The following CNNM2 variants were observed in gnomAD, a reference collection of about 807,000 sequenced individuals.
The protein encoded by CNNM2 is metal transporter CNNM2.
A neutral mutation model predicts 66.9 loss-of-function variants in CNNM2; 12 were observed. The ratio of observed to expected loss-of-function variants is 0.18; its 90% CI spans 0.11 to 0.29. The LOEUF (loss-of-function observed/expected upper bound fraction) is 0.29, where lower values mean the gene tolerates loss of function less well. CNNM2 is among the 10% of genes least tolerant of loss of function. The pLI is 1.00. For missense variants in CNNM2, 705 were observed against 1,167.7 expected (o/e 0.60, Z 5.77); for synonymous variants, 557 against 501.8 (o/e 1.11, Z -1.47).
chr10:103,064,621 G>C (rs1357524903), intron 4 of CNNM2, among the ~76,000 whole-genome samples: 2 of 152,176 alleles, frequency 1.3e-5, no homozygotes, highest in Non-Finnish European at 2.9e-5. Flanking sequence ...GAGGAGGGAG[G>C]ATCAGCCAGG....
intron 1 of CNNM2, among the ~76,000 whole-genome samples, chr10:103,009,674 CAAAAAAAAAAAAA>C (rs36096913): frequency 3.4e-5 from 2 of 58,614 alleles, no homozygotes; most frequent in East Asian, 4.9e-4. Context: ...CCTGAGTCTC[CAAAAAAAAAAAAA>C]AAAAAAAAAA....
intron 1 of CNNM2, among the ~76,000 whole-genome samples, chr10:103,012,284 C>G (rs1265156221): frequency 1.3e-5 from 2 of 152,204 alleles, no homozygotes; most frequent in African/African-American, 2.4e-5. Flanking sequence ...TATTAGTTAA[C>G]ACCCCCACCA....
chr10:103,001,368 GA>G lies in CNNM2; in HGVS notation c.1622-48333del, dbSNP rs1320697238. On this transcript the variant is annotated intron_variant, in intron 1 of 7. Transcript: ENST00000369878. Reference sequence around the variant, plus strand: ...TTTACTGCAATACAAAAAATTGGGGGAAAAAATCTTATTACACAGCTACAGT... The same window carrying G: ...TTTACTGCAATACAAAAAATTGGGGGAAAAATCTTATTACACAGCTACAGT... Among the ~76,000 whole-genome samples the G allele has an allele frequency of 3.9e-5, 6 of 152,114 alleles. No individual in the cohort carries two copies. The South Asian group carries it at 8.3e-4, about 21-fold the overall frequency.
At chr10:102,954,814 C>T (rs1367320245) in intron 1 of CNNM2, among the ~76,000 whole-genome samples, 1 of 151,924 alleles carries the variant, frequency 6.6e-6, no homozygotes, top group Non-Finnish European at 1.5e-5. Context: ...TTGAGAAGGA[C>T]CTTAAAAGGT....
At chr10:103,038,764 T>C (rs1263962989) in intron 1 of CNNM2, among the ~76,000 whole-genome samples, 1 of 152,178 alleles carries the variant, frequency 6.6e-6, no homozygotes, top group Admixed American at 6.5e-5. Context: ...GGTCAGACTT[T>C]GGAATTTTTG....
intron 4 of CNNM2, among the ~76,000 whole-genome samples, chr10:103,062,398 G>T (rs998353829): frequency 6.6e-6 from 1 of 152,162 alleles, no homozygotes; most frequent in Admixed American, 6.5e-5. Flanking sequence ...AAGTTGCACG[G>T]TCTGTGTACC....
At chr10:102,920,154 TC>T (rs1317716363) in intron 1 of CNNM2, 53 bp downstream of exon 1, 13 of 1,613,498 alleles carry the variant, frequency 8.1e-6, no homozygotes, top group Admixed American at 1.7e-5. Flanking sequence ...TCCATCCTCC[TC>T]CCTACTTGAG....
chr10:102,973,029 A>G (rs544210220), intron 1 of CNNM2, among the ~76,000 whole-genome samples: 3 of 152,142 alleles, frequency 2.0e-5, no homozygotes, highest in Non-Finnish European at 4.4e-5. Flanking sequence ...GACATAGTTT[A>G]TTTGGCAGCA....
rs1441967558 is a variant in CNNM2 at position 102,919,702 on chromosome 10, G to A, written c.1222G>A (p.Val408Ile). The change falls in exon 1 of 8, where the codon GTC (valine) becomes ATC (isoleucine). Residue 408 changes from valine (V) to isoleucine (I), a missense_variant. Physicochemically the swap from Val to Ile is conservative, Grantham distance 29. This residue lies in a region of CNNM2 where 14 missense variants were observed against 68.6 expected (regional missense o/e 0.20). Transcript: ENST00000369878. Reference sequence around the variant, plus strand: ...CGTCCTGGGCCAGGAGATAGGCACCGTCTATAACCGGGAAAAACTGCTGGA... The same window carrying A: ...CGTCCTGGGCCAGGAGATAGGCACCATCTATAACCGGGAAAAACTGCTGGA... ...DCVLGQEIGT[V>I]YNREKLLEML... 2 of 1,614,092 alleles carry A rather than the reference G, an allele frequency of 1.2e-6. No homozygotes were observed. The highest frequency in any genetic ancestry group is 1.3e-5 in the African/African-American group (1 of 74,930).
intron 1 of CNNM2, among the ~76,000 whole-genome samples, chr10:103,030,226 T>TA (rs981520293): frequency 6.6e-6 from 1 of 152,198 alleles, no homozygotes; most frequent in Admixed American, 6.5e-5. Context: ...CCAAAGAACT[T>TA]AAACGTTCCT....
chr10:103,063,041 G>C (rs1317626104), intron 4 of CNNM2, among the ~76,000 whole-genome samples: 1 of 152,218 alleles, frequency 6.6e-6, no homozygotes, highest in Admixed American at 6.5e-5. Context: ...GTAATACCAC[G>C]TGGCACCAGA....
At chr10:102,948,002 G>A (rs575140441) in intron 1 of CNNM2, among the ~76,000 whole-genome samples, 3 of 152,156 alleles carry the variant, frequency 2.0e-5, no homozygotes, top group Middle Eastern at 3.4e-3. Context: ...GCAGTGAGCC[G>A]AGATTGCACC....
At position 103,086,084 on chromosome 10, in the gene CNNM2, G is replaced by T. The variant is rs1341944600; in HGVS notation, c.*8904G>T. On this transcript the variant is annotated 3_prime_UTR_variant, in exon 8 of 8. Coordinates refer to ENST00000369878, the MANE Select transcript of CNNM2 (RefSeq NM_017649.5). Reference sequence around the variant, plus strand: ...GGAAGTCACCTGTTTCTGCTTTCTGGTTGCCTGTGCCTGTGGTCATCCCTG... The same window carrying T: ...GGAAGTCACCTGTTTCTGCTTTCTGTTTGCCTGTGCCTGTGGTCATCCCTG... The T allele has an allele frequency of 6.6e-6, 1 of 152,448 alleles. No homozygotes were observed. The highest frequency in any genetic ancestry group is 2.4e-5 in the African/African-American group (1 of 41,414). 9.4% of individuals were successfully genotyped at this position (152,448 alleles called of 1,614,324 possible).
intron 1 of CNNM2, among the ~76,000 whole-genome samples, chr10:102,986,063 G>A (rs979812521): frequency 2.0e-5 from 3 of 152,132 alleles, no homozygotes; most frequent in Non-Finnish European, 4.4e-5. Flanking sequence ...GCTTGGACTA[G>A]CTCCGATGTT....
intron 1 of CNNM2, among the ~76,000 whole-genome samples, chr10:102,991,087 A>C (rs1028556905): frequency 6.6e-6 from 1 of 152,114 alleles, no homozygotes; most frequent in African/African-American, 2.4e-5. Context: ...CCCAGGTTCA[A>C]GCAATTCTCC....
intron 4 of CNNM2, among the ~76,000 whole-genome samples, chr10:103,065,427 A>G (rs767890878): frequency 5.3e-5 from 8 of 152,188 alleles, no homozygotes; most frequent in Non-Finnish European, 1.2e-4. Flanking sequence ...CTCAGAGTGG[A>G]ACCACCGCAC....
At position 103,079,133 on chromosome 10, in the gene CNNM2, C is replaced by G. The variant is rs1015832285; in HGVS notation, c.*1953C>G. On this transcript the variant is annotated 3_prime_UTR_variant, in exon 8 of 8. Coordinates refer to ENST00000369878, the MANE Select transcript of CNNM2 (RefSeq NM_017649.5). ...GCTTGACCTTAGAGGGGACCCCACTCTAAGCATCCTTTTTTTTAAACAGAG... is the reference window on the plus strand; with the variant it reads ...GCTTGACCTTAGAGGGGACCCCACTGTAAGCATCCTTTTTTTTAAACAGAG... 3 of 152,194 alleles carry G rather than the reference C, an allele frequency of 2.0e-5. No homozygotes were observed. Among genetic ancestry groups the G allele is most frequent in the African/African-American group, 7.2e-5 (3 of 41,442 alleles). 9.4% of individuals were successfully genotyped at this position (152,194 alleles called of 1,614,324 possible). A position where few individuals can be genotyped will look rare whatever the true frequency, so the allele number is the denominator to read the frequency against.
At chr10:102,971,320 A>G (rs1177390391) in intron 1 of CNNM2, among the ~76,000 whole-genome samples, 2 of 152,042 alleles carry the variant, frequency 1.3e-5, no homozygotes, top group East Asian at 1.9e-4. Context: ...CAAAGGGGAA[A>G]GAATGGTGCT....
chr10:103,059,050 C>T (rs1055011975), intron 4 of CNNM2, among the ~76,000 whole-genome samples: 3 of 152,060 alleles, frequency 2.0e-5, no homozygotes, highest in Admixed American at 6.6e-5. Context: ...CTTGGCTCAC[C>T]GCAACCTCTG....
Sources: allele counts gnomAD v4.1 joint callset (sites outside exome capture counted in the v4.1 genomes callset), GRCh38; gene constraint gnomAD v4.1.1; regional missense constraint gnomAD v4.1.1; transcripts MANE v1.5; gene names NCBI Gene and HGNC (gene_info 2026-07-23, HGNC 2026-07-21).